The following VAV3 variants were observed in gnomAD, a reference collection of about 807,000 sequenced individuals.
VAV3 encodes vav guanine nucleotide exchange factor 3, also known as guanine nucleotide exchange factor VAV3.
Under a neutral mutation model 131.2 loss-of-function variants are expected in VAV3, and 94 were observed. The ratio of observed to expected loss-of-function variants is 0.72; its 90% CI spans 0.61 to 0.85. VAV3 has a LOEUF of 0.85. Ranked by LOEUF, VAV3 falls within the 40% of genes least tolerant of loss-of-function variation. The pLI is 0.00. For synonymous variants in VAV3, 349 were observed against 342.0 expected, an observed-to-expected ratio of 1.02 and a Z score of -0.22; for missense variants, 939 against 1,002.7, an observed-to-expected ratio of 0.94 and a Z score of 0.86.
intron 2 of VAV3, among the ~76,000 whole-genome samples, chr1:107,858,823 A>C (rs1300310107): frequency 6.6e-6 from 1 of 152,214 alleles, no homozygotes; most frequent in East Asian, 1.9e-4. Context: ...TAAATGCTCC[A>C]TAGAAATGAA....
intron 15 of VAV3, among the ~76,000 whole-genome samples, chr1:107,715,775 T>A (rs1661056501): frequency 6.6e-6 from 1 of 152,158 alleles, no homozygotes; most frequent in African/African-American, 2.4e-5. Context: ...AAGAAATCAA[T>A]TCTAGAGAAT....
chr1:107,717,460 A>G (rs1212334478), intron 15 of VAV3, among the ~76,000 whole-genome samples: 5 of 152,222 alleles, frequency 3.3e-5, no homozygotes, highest in Non-Finnish European at 4.4e-5. Context: ...TTGGTTTCAA[A>G]GAACATCTTT....
At chr1:107,820,516 G>A (rs1234309910) in intron 2 of VAV3, among the ~76,000 whole-genome samples, 1 of 152,006 alleles carries the variant, frequency 6.6e-6, no homozygotes, top group African/African-American at 2.4e-5. Context: ...CAAAAATAGA[G>A]TTAGATAGAA....
intron 19 of VAV3, among the ~76,000 whole-genome samples, chr1:107,657,798 A>G (rs1465243492): frequency 6.6e-6 from 1 of 152,120 alleles, no homozygotes; most frequent in East Asian, 1.9e-4. Flanking sequence ...TTAAAACAGC[A>G]TTTTCATACT....
chr1:107,610,875 G>T (rs1652675205), intron 21 of VAV3, among the ~76,000 whole-genome samples: 2 of 152,082 alleles, frequency 1.3e-5, no homozygotes, highest in East Asian at 3.9e-4. Context: ...GCTATTAATG[G>T]GATTTTTATA....
chr1:107,627,583 A>G (rs1654122661), intron 20 of VAV3, among the ~76,000 whole-genome samples: 1 of 152,172 alleles, frequency 6.6e-6, no homozygotes, highest in Admixed American at 6.5e-5. Flanking sequence ...GTCTTTCAAA[A>G]TCATTAATCA....
At chr1:107,770,982 A>G (rs774673300) in intron 5 of VAV3, among the ~76,000 whole-genome samples, 10 of 152,200 alleles carry the variant, frequency 6.6e-5, no homozygotes, top group Non-Finnish European at 1.0e-4. Flanking sequence ...CTCTTACTAA[A>G]ATGTTCATAA....
At chr1:107,950,895 G>A (rs1372291200) in intron 1 of VAV3, among the ~76,000 whole-genome samples, 1 of 152,092 alleles carries the variant, frequency 6.6e-6, no homozygotes, top group Non-Finnish European at 1.5e-5. Context: ...AGAGAGGAGA[G>A]AGAGCAAGCC....
intron 25 of VAV3, chr1:107,576,412 GA>G (rs755203568): frequency 6.6e-7 from 1 of 1,524,746 alleles, no homozygotes; most frequent in South Asian, 1.2e-5. Flanking sequence ...AGGAGTGGAA[GA>G]AGGGGGAACA....
chr1:107,640,184 T>C (rs4501862), intron 20 of VAV3, among the ~76,000 whole-genome samples: 25,719 of 152,166 alleles, frequency 0.17, 2,392 homozygotes, highest in South Asian at 0.28. Context: ...ATAGAAGCTT[T>C]ATTTGCAATA....
At chr1:107,786,126 CTA>C (rs1252663916) in intron 2 of VAV3, among the ~76,000 whole-genome samples, 3 of 152,130 alleles carry the variant, frequency 2.0e-5, no homozygotes, top group Non-Finnish European at 4.4e-5. Context: ...CAAAACATTT[CTA>C]TGTCAGGAAG....
intron 1 of VAV3, among the ~76,000 whole-genome samples, chr1:107,888,014 G>T (rs1671121420): frequency 6.6e-6 from 1 of 151,338 alleles, no homozygotes; most frequent in East Asian, 1.9e-4. Context: ...TGGGGGGGGG[G>T]TTATTTTGTA....
chr1:107,592,038 C>T (rs1352813703), intron 25 of VAV3, among the ~76,000 whole-genome samples: 1 of 150,914 alleles, frequency 6.6e-6, no homozygotes, highest in Non-Finnish European at 1.5e-5. Flanking sequence ...ACTATACACA[C>T]ACACATATAT....
intron 15 of VAV3, among the ~76,000 whole-genome samples, chr1:107,717,190 T>G (rs981810644): frequency 6.6e-6 from 1 of 152,174 alleles, no homozygotes. Context: ...GAAAACCAGC[T>G]CCTGGACTCA....
At chr1:107,730,028 C>T (rs1015755762) in intron 15 of VAV3, among the ~76,000 whole-genome samples, 1 of 152,134 alleles carries the variant, frequency 6.6e-6, no homozygotes, top group African/African-American at 2.4e-5. Context: ...ATGGAATAGT[C>T]TGGCTACTTT....
chr1:107,871,028 T>G (rs1384361753), intron 2 of VAV3, among the ~76,000 whole-genome samples: 1 of 152,146 alleles, frequency 6.6e-6, no homozygotes, highest in Non-Finnish European at 1.5e-5. Context: ...GACAGCTCAG[T>G]AGGAAACATT....
intron 4 of VAV3, among the ~76,000 whole-genome samples, chr1:107,774,360 C>A (rs1218778940): frequency 6.6e-6 from 1 of 152,196 alleles, no homozygotes; most frequent in Non-Finnish European, 1.5e-5. Context: ...AGCCACCGCG[C>A]CTGGCTGACT....
intron 25 of VAV3, among the ~76,000 whole-genome samples, chr1:107,575,006 C>T (rs879527823): frequency 0.29 from 11,778 of 40,998 alleles, 629 homozygotes; most frequent in East Asian, 0.39. Flanking sequence ...TGCGTGCGCG[C>T]GCGCGCGCGC....
chr1:107,611,318 A>G (rs1652708204), intron 21 of VAV3, among the ~76,000 whole-genome samples: 1 of 152,146 alleles, frequency 6.6e-6, no homozygotes. Context: ...AAATATTTTT[A>G]TCCTATGGAT....
Sources: gnomAD v4.1 joint callset for allele counts (sites outside exome capture counted in the v4.1 genomes callset) on GRCh38, gnomAD v4.1.1 for gene constraint, MANE v1.5 for transcripts, NCBI Gene and HGNC (gene_info 2026-07-23, HGNC 2026-07-21) for gene names.